The following SMC2 variants were observed in gnomAD, a reference collection of about 807,000 sequenced individuals.
SMC2 encodes structural maintenance of chromosomes 2, also known as structural maintenance of chromosomes protein 2.
Under a neutral mutation model 142.6 loss-of-function variants are expected in SMC2, and 41 were observed. That is an observed-to-expected ratio of 0.29 (90% CI 0.22 to 0.37). The LOEUF is 0.37. SMC2 is among the 10% of genes least tolerant of loss of function. The pLI is 1.00. For missense variants in SMC2, 1,265 were observed against 1,373.7 expected, an observed-to-expected ratio of 0.92 and a Z score of 1.25; for synonymous variants, 463 against 457.5, an observed-to-expected ratio of 1.01 and a Z score of -0.15.
chr9:104,093,762 T>C (rs4742901), upstream of SMC2, among the ~76,000 whole-genome samples: 49,425 of 152,110 alleles, frequency 0.32, 8,877 homozygotes, highest in East Asian at 0.77. Flanking sequence ...CCGAGGCCAG[T>C]ACGGGGCGGA....
At chr9:104,110,141 A>G (rs1017725371) in intron 9 of SMC2, among the ~76,000 whole-genome samples, 4 of 152,154 alleles carry the variant, frequency 2.6e-5, no homozygotes, top group Non-Finnish European at 4.4e-5. Flanking sequence ...CATCACGTTT[A>G]ATGCAGTACC....
At chr9:104,089,920 AC>A (rs1399879374), upstream of SMC2, among the ~76,000 whole-genome samples, 1 of 152,170 alleles carries the variant, frequency 6.6e-6, no homozygotes, top group African/African-American at 2.4e-5. Flanking sequence ...TGCTGGGATT[AC>A]AGGCATGAGC....
At chr9:104,089,152 A>C in the SMC2 span, among the ~76,000 whole-genome samples, 1 of 152,146 alleles carries the variant, frequency 6.6e-6, no homozygotes, top group African/African-American at 2.4e-5. Flanking sequence ...TACCATTTTT[A>C]TATAGAAACA....
chr9:104,113,910 C>A, intron 11 of SMC2, 54 bp from the exon 12 acceptor site: 1 of 1,093,796 alleles, frequency 9.1e-7, no homozygotes, highest in Non-Finnish European at 1.3e-6. Context: ...TTCCTTAAAA[C>A]AGTAGAGTGA....
chr9:104,120,138 C>T lies in SMC2; in HGVS notation c.2108C>T (p.Ala703Val). 1 of 1,612,020 alleles carries T rather than the reference C, an allele frequency of 6.2e-7. No homozygotes were observed. The highest frequency in any genetic ancestry group is 8.5e-7 in the Non-Finnish European group (1 of 1,179,262). ...CTGCGGGCTCTAGAAGAGGAATTAG[C>T]AGGTCTTAAAAACACTGCTGAAAAG... ...NELRALEEEL[A>V]GLKNTAEKYR... The change falls in exon 16 of 25, where the codon GCA (alanine) becomes GTA (valine). Residue 703 changes from alanine (A) to valine (V), a missense_variant. Ala to Val is a moderately conservative substitution (Grantham distance 64). Coordinates refer to ENST00000374793, the MANE Select transcript of SMC2 (RefSeq NM_006444.3).
rs147065054 is a variant in SMC2 at position 104,126,368 on chromosome 9, A to G, written c.2452-273A>G. Among the ~76,000 whole-genome samples, 236 of 152,336 alleles carry G rather than the reference A, an allele frequency of 1.5e-3. 4 individuals carry two copies. In the East Asian group the frequency reaches 0.034, roughly 22 times the overall value. ...TAATTCATCTGTTACGTAGAATGTT[A>G]TATTATTTTCCCTATAGGAATAAAG... On this transcript the variant is annotated intron_variant, in intron 18 of 24. Coordinates refer to ENST00000374793, the MANE Select transcript of SMC2 (RefSeq NM_006444.3).
At chr9:104,103,313 G>A (rs1284409670) in intron 9 of SMC2, among the ~76,000 whole-genome samples, 1 of 152,104 alleles carries the variant, frequency 6.6e-6, no homozygotes, top group Non-Finnish European at 1.5e-5. Flanking sequence ...CTCACAGAAT[G>A]AAGGCAGAAA....
chr9:104,093,785 G>C (rs1830155457), upstream of SMC2, among the ~76,000 whole-genome samples: 1 of 150,316 alleles, frequency 6.7e-6, no homozygotes, highest in African/African-American at 2.5e-5. Flanking sequence ...CAGGACGCGG[G>C]CCAGAGTCCC....
At chr9:104,093,894 G>A (rs1830161813), upstream of SMC2, among the ~76,000 whole-genome samples, 1 of 152,186 alleles carries the variant, frequency 6.6e-6, no homozygotes, top group Non-Finnish European at 1.5e-5. Flanking sequence ...AAACAGAACC[G>A]ACGAGAACAC....
chr9:104,098,129 C>G (rs1046929681), intron 3 of SMC2, among the ~76,000 whole-genome samples: 1 of 152,090 alleles, frequency 6.6e-6, no homozygotes, highest in South Asian at 2.1e-4. Flanking sequence ...AAGAAAGTAA[C>G]TAGGAAAGTG....
chr9:104,116,365 GT>G (rs752567664), intron 14 of SMC2, 46 bp downstream of exon 14: 4 of 1,516,588 alleles, frequency 2.6e-6, no homozygotes, highest in Admixed American at 4.7e-5. Context: ...GTCATCTGTG[GT>G]TTTTTTAAGT....
intron 13 of SMC2, 45 bp from the exon 14 acceptor site, chr9:104,116,155 T>TGTCA (rs1280376628): frequency 6.5e-7 from 1 of 1,538,952 alleles, no homozygotes; most frequent in East Asian, 2.4e-5. Context: ...CTCAATTTTC[T>TGTCA]GTCATTTTTA....
intron 14 of SMC2, among the ~76,000 whole-genome samples, chr9:104,117,787 C>G (rs902267142): frequency 6.6e-6 from 1 of 152,076 alleles, no homozygotes; most frequent in Non-Finnish European, 1.5e-5. Context: ...ATACCAAAAT[C>G]TGAAAACAAA....
At chr9:104,104,547 G>C (rs561965366) in intron 9 of SMC2, among the ~76,000 whole-genome samples, 1 of 150,420 alleles carries the variant, frequency 6.6e-6, no homozygotes, top group South Asian at 2.1e-4. Context: ...TGGAGGAGCA[G>C]ATAGAACAGT....
intron 20 of SMC2, among the ~76,000 whole-genome samples, chr9:104,128,684 G>C (rs1310927699): frequency 6.6e-6 from 1 of 152,206 alleles, no homozygotes; most frequent in Non-Finnish European, 1.5e-5. Context: ...ACAAGGATTG[G>C]ATTCTGCCAG....
chr9:104,099,554 A>G, intron 4 of SMC2, 90 bp from the exon 5 acceptor site: 1 of 824,056 alleles, frequency 1.2e-6, no homozygotes, highest in Non-Finnish European at 2.1e-6. Flanking sequence ...TTGAGATACA[A>G]CAGCTTCAGT....
In SMC2 at chr9:104,098,487, C is replaced by G; in HGVS notation, c.360C>G (p.Val120=). The part of the protein sequence containing the change: ...GGRNKYLING[V]NANNTRVQDL... ...GAAATAAATATTTAATCAATGGAGT[C>G]AATGCCAACAACACCAGAGTACAGG... is the stretch of plus-strand genomic sequence containing the variant. Residue 120 remains valine, a synonymous_variant, in exon 4 of 25, where the codon GTC becomes GTG. Transcript: ENST00000374793. 6.3e-7 allele frequency: 1 copy of G among 1,595,248 alleles called. No homozygotes were observed. Among genetic ancestry groups the G allele is most frequent in the Non-Finnish European group, 8.5e-7 (1 of 1,172,896 alleles).
chr9:104,094,448 G>A lies in SMC2; in HGVS notation c.-91G>A. On this transcript the variant is annotated 5_prime_UTR_variant, in exon 1 of 25. Coordinates refer to ENST00000374793, the MANE Select transcript of SMC2 (RefSeq NM_006444.3). ...CTTTGTGACCCGGAGGAGCTTTTGG[G>A]GTGCGTCAAGCCCCTGGCCTGAGGC... The A allele has an allele frequency of 2.5e-6, 1 of 398,452 alleles. No homozygotes were observed. 24.7% of individuals were successfully genotyped at this position (398,452 alleles called of 1,614,324 possible). A position where few individuals can be genotyped will look rare whatever the true frequency, so the allele number is the denominator to read the frequency against.
At chr9:104,123,675 T>C (rs1417972090) in intron 17 of SMC2, among the ~76,000 whole-genome samples, 1 of 152,170 alleles carries the variant, frequency 6.6e-6, no homozygotes, top group African/African-American at 2.4e-5. Flanking sequence ...ATGGTTTTTT[T>C]CCCACTGTTC....
Sources: allele counts gnomAD v4.1 joint callset (sites outside exome capture counted in the v4.1 genomes callset), GRCh38; gene constraint gnomAD v4.1.1; transcripts MANE v1.5; gene names NCBI Gene and HGNC (gene_info 2026-07-23, HGNC 2026-07-21).